CCDC73: variants seen among roughly 807,000 people sequenced by gnomAD.
CCDC73 encodes the protein coiled-coil domain-containing protein 73.
CCDC73 carries 95 observed loss-of-function variants against 116.5 expected under a neutral mutation model. That is an observed-to-expected ratio of 0.82 (90% CI 0.69 to 0.97). The LOEUF (loss-of-function observed/expected upper bound fraction) is 0.97. Ranked by LOEUF, CCDC73 falls within the 50% of genes least tolerant of loss-of-function variation. CCDC73 has a pLI of 0.00. For synonymous variants in CCDC73, 398 were observed against 401.3 expected, an observed-to-expected ratio of 0.99 and a Z score of 0.10; for missense variants, 1,066 against 1,206.8, an observed-to-expected ratio of 0.88 and a Z score of 1.73.
At chr11:32,667,554 C>T (rs189497645) in intron 9 of CCDC73, among the ~76,000 whole-genome samples, 35 of 151,434 alleles carry the variant, frequency 2.3e-4, no homozygotes, top group African/African-American at 8.6e-4. Context: ...TTCCAGGTGC[C>T]GTCTGTCACA....
intron 2 of CCDC73, among the ~76,000 whole-genome samples, chr11:32,749,877 CTT>C (rs34801585): frequency 2.9e-5 from 4 of 140,174 alleles, no homozygotes; most frequent in Admixed American, 7.1e-5. Context: ...TTTTTTTTTT[CTT>C]TTTTTTTTTG....
At chr11:32,822,503 C>T in the CCDC73 span, among the ~76,000 whole-genome samples, 1 of 151,992 alleles carries the variant, frequency 6.6e-6, no homozygotes, top group Non-Finnish European at 1.5e-5. Flanking sequence ...ATAGTTTGAC[C>T]AAAAATGATG....
chr11:32,616,122 G>A lies in CCDC73; in HGVS notation c.1193C>T (p.Pro398Leu). 1 of 1,570,258 alleles carries A rather than the reference G, an allele frequency of 6.4e-7. No homozygotes were observed. Among genetic ancestry groups the A allele is most frequent in the Non-Finnish European group, 8.6e-7 (1 of 1,164,534 alleles). The change falls in exon 15 of 18, where the codon CCA becomes CTA. Residue 398 changes from proline to leucine, a missense_variant. Transcript: ENST00000335185. Reference protein sequence around the residue: ...FEEDKKFQNVPEVNNENSEMS... With the variant: ...FEEDKKFQNVLEVNNENSEMS... ...TTCACTGTTTTCATTATTTACTTCT[G>A]GAACATTCTAGTGTAAAATGGAAGA...
chr11:32,776,986 C>CATTTAT (rs1232030218), intron 1 of CCDC73, among the ~76,000 whole-genome samples: 1 of 95,758 alleles, frequency 1.0e-5, no homozygotes, highest in Non-Finnish European at 2.0e-5. Context: ...TATATATACA[C>CATTTAT]ATGTATATAT....
intron 9 of CCDC73, among the ~76,000 whole-genome samples, chr11:32,665,568 G>T (rs1166694502): frequency 6.6e-6 from 1 of 152,066 alleles, no homozygotes; most frequent in Non-Finnish European, 1.5e-5. Flanking sequence ...ACGTGAGATG[G>T]GTCTCCTGAA....
intron 2 of CCDC73, among the ~76,000 whole-genome samples, chr11:32,738,487 C>T (rs567192448): frequency 2.0e-5 from 3 of 152,052 alleles, no homozygotes; most frequent in Admixed American, 6.6e-5. Context: ...TACCTGTGTG[C>T]GATTTGTATG....
chr11:32,724,105 A>C (rs1850011934), intron 2 of CCDC73, among the ~76,000 whole-genome samples: 1 of 152,124 alleles, frequency 6.6e-6, no homozygotes, highest in Non-Finnish European at 1.5e-5. Flanking sequence ...AGAAAGGGGT[A>C]TGATTCTATC....
chr11:32,725,373 A>G (rs1256887652), intron 2 of CCDC73, among the ~76,000 whole-genome samples: 1 of 152,170 alleles, frequency 6.6e-6, no homozygotes, highest in Non-Finnish European at 1.5e-5. Flanking sequence ...ACATGTCGGG[A>G]AAAACAGTAC....
At position 32,720,203 on chromosome 11, in the gene CCDC73, A is replaced by C. The variant is rs375593858; in HGVS notation, c.136-2056T>G. On this transcript the variant is annotated intron_variant, in intron 2 of 17. Transcript: ENST00000335185. ...TTTAAAAATTATATGAGTGGAATTT[A>C]TTGCAGGTATGCAAAGCTGGTTCAA... Among the ~76,000 whole-genome samples, 39 of 152,334 alleles carry C rather than the reference A, an allele frequency of 2.6e-4. 1 individual carries two copies. In the South Asian group the frequency reaches 8.1e-3, roughly 32 times the overall value.
At chr11:32,779,884 A>G (rs994716907) in intron 1 of CCDC73, among the ~76,000 whole-genome samples, 2 of 152,216 alleles carry the variant, frequency 1.3e-5, no homozygotes, top group Non-Finnish European at 2.9e-5. Flanking sequence ...CTTACCATAC[A>G]TCTCTAAATG....
At chr11:32,745,585 T>C (rs919991775) in intron 2 of CCDC73, among the ~76,000 whole-genome samples, 5 of 152,198 alleles carry the variant, frequency 3.3e-5, no homozygotes. Flanking sequence ...TGGGTGCTCC[T>C]GTATTGGGTG....
chr11:32,713,062 G>A (rs999843432), intron 3 of CCDC73, among the ~76,000 whole-genome samples: 7 of 151,946 alleles, frequency 4.6e-5, no homozygotes, highest in Admixed American at 1.3e-4. Context: ...AATCCATGAC[G>A]ACTCAGTCTC....
At chr11:32,752,817 T>C (rs1418919199) in intron 2 of CCDC73, among the ~76,000 whole-genome samples, 2 of 152,358 alleles carry the variant, frequency 1.3e-5, no homozygotes, top group African/African-American at 2.4e-5. Flanking sequence ...TCACTTTTTT[T>C]TTAAGAGACA....
At chr11:32,653,837 AT>A (rs1855847855) in intron 11 of CCDC73, 140 bp downstream of exon 11, 2 of 946,168 alleles carry the variant, frequency 2.1e-6, no homozygotes, top group Non-Finnish European at 2.9e-6. Flanking sequence ...ATTGAGACTG[AT>A]TTTAAAAAGT....
the CCDC73 span, among the ~76,000 whole-genome samples, chr11:32,811,081 A>ACAAC: frequency 7.9e-5 from 12 of 151,370 alleles, no homozygotes; most frequent in African/African-American, 2.4e-4. Flanking sequence ...CAACAACAAA[A>ACAAC]AAAAAAAACC....
the CCDC73 span, among the ~76,000 whole-genome samples, chr11:32,825,581 C>T: frequency 6.6e-6 from 1 of 152,142 alleles, no homozygotes; most frequent in Non-Finnish European, 1.5e-5. Flanking sequence ...GGATTACAGG[C>T]GTGAGCGCTT....
chr11:32,613,249 TAAC>T (rs1855438522), intron 16 of CCDC73, among the ~76,000 whole-genome samples, 170 bp downstream of exon 16: 1 of 152,210 alleles, frequency 6.6e-6, no homozygotes, highest in Non-Finnish European at 1.5e-5. Flanking sequence ...GCAGAAGCCT[TAAC>T]TACTTCACTG....
At chr11:32,805,545 C>A in the CCDC73 span, among the ~76,000 whole-genome samples, 26 of 152,078 alleles carry the variant, frequency 1.7e-4, no homozygotes, top group Non-Finnish European at 3.4e-4. Flanking sequence ...GAAACTATAT[C>A]CAAAATGTGG....
intron 17 of CCDC73, among the ~76,000 whole-genome samples, chr11:32,606,444 T>C (rs1270581062): frequency 6.6e-6 from 1 of 152,220 alleles, no homozygotes; most frequent in Non-Finnish European, 1.5e-5. Flanking sequence ...ATTAAATTTA[T>C]AAGGAGATCT....
Sources: allele counts gnomAD v4.1 joint callset (sites outside exome capture counted in the v4.1 genomes callset), GRCh38; gene constraint gnomAD v4.1.1; transcripts MANE v1.5; gene names NCBI Gene and HGNC (gene_info 2026-07-23, HGNC 2026-07-21).